USP3: variants seen among roughly 807,000 people sequenced by gnomAD.
USP3 encodes ubiquitin specific peptidase 3.
In USP3, 20 loss-of-function variants were observed where a neutral mutation model predicts 72.3. That is an observed-to-expected ratio of 0.28 (90% CI 0.19 to 0.40). USP3 has a LOEUF of 0.40. Among genes scored for constraint, USP3 ranks in the 10% least tolerant of loss-of-function variants. The probability of loss-of-function intolerance (pLI) is 1.00; values close to 1 mark genes in which losing one functional copy is unlikely to be tolerated. For missense variants in USP3, 479 were observed against 633.9 expected (o/e 0.76, Z 2.62); for synonymous variants, 222 against 225.3 (o/e 0.99, Z 0.13).
At chr15:63,586,572 C>A (rs2067068145) in intron 11 of USP3, 1 of 152,258 alleles carries the variant, frequency 6.6e-6, no homozygotes, top group Non-Finnish European at 1.5e-5. Context: ...GCCAGCCAGT[C>A]TGCTGTGTAG....
chr15:63,591,083 A>AGTCT lies in USP3; in HGVS notation c.*258_*261dup, dbSNP rs1264459482. On this transcript the variant is annotated 3_prime_UTR_variant, in exon 15 of 15. Transcript: ENST00000380324. ...TTTTTATAGGTAGTTGTAAGAACTT[A>AGTCT]GTCTTATTTGACTTTTTTATTTTAT... 1 of 363,912 alleles carries AGTCT rather than the reference A, an allele frequency of 2.7e-6. No individual in the cohort carries two copies. Among genetic ancestry groups the AGTCT allele is most frequent in the African/African-American group, 2.1e-5 (1 of 47,444 alleles). 22.5% of individuals were successfully genotyped at this position (363,912 alleles called of 1,614,324 possible).
Position 63,532,656 on chromosome 15 carries a change from C to T in USP3, c.101C>T (p.Ser34Phe). 6.2e-7 allele frequency: 1 copy of T among 1,613,962 alleles called. No homozygotes were observed. The highest frequency in any genetic ancestry group is 1.1e-5 in the South Asian group (1 of 91,082). Residue 34 changes from serine to phenylalanine, a missense_variant, in exon 2 of 15, where the codon TCC (serine) becomes TTC (phenylalanine). Coordinates refer to ENST00000380324, the MANE Select transcript of USP3 (RefSeq NM_006537.4). ...PSSWCCSVCRSNKSPWVCLTC... is the reference protein window; with the variant it reads ...PSSWCCSVCRFNKSPWVCLTC... ...TTTTTCTTTTTATTAGTGTGCCGGTCCAACAAAAGCCCTTGGGTCTGTTTG... is the reference window on the plus strand; with the variant it reads ...TTTTTCTTTTTATTAGTGTGCCGGTTCAACAAAAGCCCTTGGGTCTGTTTG...
chr15:63,512,114 C>T (rs954015915), intron 1 of USP3, among the ~76,000 whole-genome samples: 3 of 151,906 alleles, frequency 2.0e-5, no homozygotes, highest in Non-Finnish European at 4.4e-5. Context: ...CACCACCATA[C>T]CCGGCTAATT....
intron 8 of USP3, among the ~76,000 whole-genome samples, chr15:63,563,659 T>A (rs1199738334): frequency 6.6e-6 from 1 of 152,158 alleles, no homozygotes; most frequent in Non-Finnish European, 1.5e-5. Context: ...GCACTACAGG[T>A]GTTTGACAGC....
intron 3 of USP3, among the ~76,000 whole-genome samples, chr15:63,539,713 T>C (rs978467471): frequency 6.6e-6 from 1 of 152,346 alleles, no homozygotes; most frequent in South Asian, 2.1e-4. Context: ...TTGTGTGAAG[T>C]TGTACAGAGC....
chr15:63,572,124 A>G (rs568207264), intron 9 of USP3, among the ~76,000 whole-genome samples: 18 of 152,222 alleles, frequency 1.2e-4, no homozygotes, highest in Non-Finnish European at 2.4e-4. Context: ...CAATATTTAA[A>G]CAGTTGTGGT....
chr15:63,544,656 T>C lies in USP3; in HGVS notation c.284+7500T>C. ...GGAGAATGGGGGAAGAATGTAAAGA[T>C]GGAGATGACCGAATGAGGAATATTG... On this transcript the variant is annotated intron_variant, in intron 3 of 14. Transcript: ENST00000380324. This position sits in a 1 kb window ranked among gnomAD's most constrained non-coding sequence, Gnocchi z 4.2. The C allele has an allele frequency of 2.9e-6, 2 of 700,274 alleles. No individual in the cohort carries two copies. The highest frequency in any genetic ancestry group is 5.2e-6 in the Non-Finnish European group (2 of 383,852). 43.4% of individuals were successfully genotyped at this position (700,274 alleles called of 1,614,324 possible).
intron 4 of USP3, chr15:63,556,448 A>G (rs895926260): frequency 4.1e-5 from 16 of 392,806 alleles, no homozygotes; most frequent in African/African-American, 3.3e-4. Flanking sequence ...TGCCAGGAGC[A>G]GTGTCCAGCC....
rs1277341668 is a variant in USP3, at chr15:63,570,801, A to T, written c.908+222A>T. 2.0e-5 allele frequency among the ~76,000 whole-genome samples: 3 copies of T among 152,212 alleles called. No individual in the cohort carries two copies. The highest frequency in any genetic ancestry group is 7.2e-5 in the African/African-American group (3 of 41,452). On this transcript the variant is annotated intron_variant, in intron 9 of 14. Coordinates refer to ENST00000380324, the MANE Select transcript of USP3 (RefSeq NM_006537.4). This position sits in a 1 kb window ranked among gnomAD's most constrained non-coding sequence, Gnocchi z 4.4. ...CCTGATTTAGTTCTGACTGTGATTA[A>T]TTGGTATAGATTATTTTAAATTTTG...
intron 11 of USP3, among the ~76,000 whole-genome samples, chr15:63,580,660 A>ATATATATATAT (rs60776150): frequency 0.025 from 2,777 of 112,786 alleles, 223 homozygotes; most frequent in African/African-American, 0.058. Flanking sequence ...ATGAATATAT[A>ATATATATATAT]ATATATATAT....
chr15:63,516,820 G>T (rs1378791307), intron 1 of USP3, among the ~76,000 whole-genome samples: 2 of 150,852 alleles, frequency 1.3e-5, no homozygotes, highest in Admixed American at 6.6e-5. Flanking sequence ...GGAAGTGAAG[G>T]GATTTTTTTA....
intron 1 of USP3, among the ~76,000 whole-genome samples, chr15:63,513,744 G>A (rs144289794): frequency 2.0e-4 from 31 of 152,168 alleles, no homozygotes; most frequent in Middle Eastern, 3.4e-3. Flanking sequence ...GCACAATGCC[G>A]GAGTAATATT....
At chr15:63,576,152 A>G (rs1217309246) in intron 11 of USP3, among the ~76,000 whole-genome samples, 2 of 151,870 alleles carry the variant, frequency 1.3e-5, no homozygotes, top group African/African-American at 4.8e-5. Context: ...ACACCTGGCT[A>G]ATTTTTGTAT....
rs2066036233 is a variant in USP3 at position 63,529,514 on chromosome 15, TA to T, written c.92-3129del. On this transcript the variant is annotated intron_variant, in intron 1 of 14. Coordinates refer to ENST00000380324, the MANE Select transcript of USP3 (RefSeq NM_006537.4). The surrounding 1 kb of genome is among the most constrained non-coding windows in gnomAD (Gnocchi z 4.2). ...TCAGTCTTAGAGTTTTTTGGTTTTT[TA>T]AAATGTGTTATTGAATTGAGAAATT... 6.6e-6 allele frequency among the ~76,000 whole-genome samples: 1 copy of T among 152,232 alleles called. No homozygotes were observed. The highest frequency in any genetic ancestry group is 1.5e-5 in the Non-Finnish European group (1 of 68,044).
intron 3 of USP3, among the ~76,000 whole-genome samples, chr15:63,538,684 T>C (rs2066196571): frequency 3.3e-5 from 5 of 152,080 alleles, no homozygotes; most frequent in Admixed American, 2.6e-4. Context: ...TAGCTGGGAC[T>C]ATAGGCACCT....
intron 3 of USP3, among the ~76,000 whole-genome samples, chr15:63,539,531 T>G (rs925779566): frequency 7.2e-5 from 11 of 152,230 alleles, no homozygotes; most frequent in Non-Finnish European, 1.5e-4. Context: ...CTTTATACAT[T>G]GTATTTTAGG....
intron 4 of USP3, chr15:63,556,207 A>C (rs2066504997): frequency 6.5e-6 from 1 of 152,714 alleles, no homozygotes; most frequent in Non-Finnish European, 1.5e-5. Context: ...TCAAACTCAG[A>C]TCATATCATC....
intron 7 of USP3, 54 bp from the exon 8 acceptor site, chr15:63,562,841 T>C: frequency 8.3e-7 from 1 of 1,206,732 alleles, no homozygotes; most frequent in Middle Eastern, 1.9e-4. Flanking sequence ...GGACGCTGTG[T>C]TGAAATTGTA....
chr15:63,522,137 A>AGGC (rs1399572273), intron 1 of USP3, among the ~76,000 whole-genome samples: 1 of 152,060 alleles, frequency 6.6e-6, no homozygotes, highest in African/African-American at 2.4e-5. Flanking sequence ...TGGCCTCCCA[A>AGGC]AGTGTTGGGA....
Sources: gnomAD v4.1 joint callset for allele counts (sites outside exome capture counted in the v4.1 genomes callset) on GRCh38, gnomAD v4.1.1 for gene constraint, Gnocchi (gnomAD v3.1) non-coding constraint, MANE v1.5 for transcripts, NCBI Gene and HGNC (gene_info 2026-07-23, HGNC 2026-07-21) for gene names.